Variants in C4BPB observed in about 807,000 individuals in gnomAD.
C4BPB encodes the protein C4b-binding protein beta chain.
C4BPB carries 19 observed loss-of-function variants against 26.6 expected under a neutral mutation model. The ratio of observed to expected loss-of-function variants is 0.71; its 90% CI spans 0.50 to 1.05. The LOEUF is 1.05. Among genes scored for constraint, C4BPB ranks in the 50% least tolerant of loss-of-function variants. C4BPB has a pLI of 0.00. For missense variants in C4BPB, 282 were observed against 302.9 expected, an observed-to-expected ratio of 0.93 and a Z score of 0.51; for synonymous variants, 118 against 103.5, an observed-to-expected ratio of 1.14 and a Z score of -0.85.
chr1:207,091,860 G>T lies in C4BPB; in HGVS notation c.409+40G>T, dbSNP rs185996085. ...AACCATCAAGGATCCCCAAAATACT[G>T]ATTAGTAGTCTAAACTTAGACATTT... On this transcript the variant is annotated intron_variant, in intron 4 of 6. Coordinates refer to ENST00000367078, the MANE Select transcript of C4BPB (RefSeq NM_001017365.3). The T allele has an allele frequency of 1.0e-3, 1,526 of 1,521,544 alleles. 6 individuals are homozygous for T. The highest frequency in any genetic ancestry group is 4.6e-3 in the Middle Eastern group (26 of 5,684). The allele number at this position is 1,521,544 out of a possible 1,614,324, so 94.3% of individuals were successfully genotyped here. A position where few individuals can be genotyped will look rare whatever the true frequency, so the allele number is the denominator to read the frequency against.
chr1:207,099,879 A>C lies in C4BPB; in HGVS notation c.709A>C (p.Lys237Gln). The change falls in exon 7 of 7, where the codon AAA (lysine) becomes CAA (glutamine). Residue 237 changes from lysine (K) to glutamine (Q), a missense_variant. Coordinates refer to ENST00000367078, the MANE Select transcript of C4BPB (RefSeq NM_001017365.3). ...AAGTGGCATGACAATGGAGGAGCTA[A>C]AATATTCTCTGGAGCTGAAGAAAGC... is the stretch of plus-strand genomic sequence containing the variant. Reference protein sequence around the residue: ...KESGMTMEELKYSLELKKAEL... With the variant: ...KESGMTMEELQYSLELKKAEL... 6.2e-7 allele frequency: 1 copy of C among 1,614,014 alleles called. No homozygotes were observed. The highest frequency in any genetic ancestry group is 1.3e-5 in the African/African-American group (1 of 75,062).
At chr1:207,097,832 TAG>T (rs1363077180) in intron 5 of C4BPB, 1 of 200,294 alleles carries the variant, frequency 5.0e-6, no homozygotes, top group Non-Finnish European at 1.0e-5. Context: ...GATGCCTTTT[TAG>T]GTTATTGAAT....
At chr1:207,093,202 T>C (rs891020274) in intron 4 of C4BPB, among the ~76,000 whole-genome samples, 18 of 152,202 alleles carry the variant, frequency 1.2e-4, no homozygotes, top group African/African-American at 4.3e-4. Flanking sequence ...AAGACATGCA[T>C]GATCCTGGAT....
Position 207,099,786 on chromosome 1 carries a change from C to A in C4BPB, c.619-3C>A. 1.2e-6 allele frequency: 2 copies of A among 1,607,618 alleles called. No homozygotes were observed. The highest frequency in any genetic ancestry group is 2.2e-5 in the South Asian group (2 of 89,676). ...TAACTTGTGAAAAATTTTCTTTCTT[C>A]AGCTTGCCTTTCAGGAGAGTAAGAA... On this transcript the variant is annotated splice_polypyrimidine_tract_variant and splice_region_variant and intron_variant, in intron 6 of 6. Coordinates refer to ENST00000367078, the MANE Select transcript of C4BPB (RefSeq NM_001017365.3).
At chr1:207,089,756 T>C (rs1222697277) in intron 2 of C4BPB, among the ~76,000 whole-genome samples, 167 bp downstream of exon 2, 2 of 152,160 alleles carry the variant, frequency 1.3e-5, no homozygotes, top group Non-Finnish European at 2.9e-5. Context: ...AGGAGCTTAG[T>C]GTACATTTAA....
intron 6 of C4BPB, among the ~76,000 whole-genome samples, chr1:207,098,853 G>A (rs1239659863): frequency 2.0e-5 from 3 of 151,948 alleles, no homozygotes; most frequent in African/African-American, 4.8e-5. Flanking sequence ...AGATCATCAG[G>A]CATTAGATTC....
intron 4 of C4BPB, among the ~76,000 whole-genome samples, chr1:207,092,660 C>T (rs1321473841): frequency 7.2e-6 from 1 of 139,412 alleles, no homozygotes; most frequent in African/African-American, 2.8e-5. Context: ...TGGAGTCTTA[C>T]TCTATTGCCC....
Position 207,099,786 on chromosome 1 carries a change from C to T in C4BPB, c.619-3C>T. 6.2e-7 allele frequency: 1 copy of T among 1,607,618 alleles called. No individual in the cohort carries two copies. The highest frequency in any genetic ancestry group is 8.5e-7 in the Non-Finnish European group (1 of 1,178,018). On this transcript the variant is annotated splice_polypyrimidine_tract_variant and splice_region_variant and intron_variant, in intron 6 of 6. Coordinates refer to ENST00000367078, the MANE Select transcript of C4BPB (RefSeq NM_001017365.3). ...TAACTTGTGAAAAATTTTCTTTCTTCAGCTTGCCTTTCAGGAGAGTAAGAA... is the reference window on the plus strand; with the variant it reads ...TAACTTGTGAAAAATTTTCTTTCTTTAGCTTGCCTTTCAGGAGAGTAAGAA...
At chr1:207,096,777 C>T (rs1464155048) in intron 5 of C4BPB, among the ~76,000 whole-genome samples, 162 bp downstream of exon 5, 1 of 152,186 alleles carries the variant, frequency 6.6e-6, no homozygotes, top group African/African-American at 2.4e-5. Flanking sequence ...GCTAGCTCTC[C>T]TCAATCCCTA....
chr1:207,095,197 G>C, intron 4 of C4BPB: 1 of 427,606 alleles, frequency 2.3e-6, no homozygotes, highest in Non-Finnish European at 4.7e-6. Flanking sequence ...AGGAAGCCAA[G>C]AGGAGCAAAA....
At chr1:207,089,634 C>T in intron 2 of C4BPB, 45 bp downstream of exon 2, 3 of 1,548,074 alleles carry the variant, frequency 1.9e-6, no homozygotes, top group Non-Finnish European at 2.7e-6. Flanking sequence ...ATTTGGTGTC[C>T]TTTTGCGGTG....
In C4BPB at chr1:207,090,388, TA is replaced by T; in HGVS notation, c.140del (p.Tyr47SerfsTer10). ...GGTGGAAGGACAGATTCTGGGGACTTACGTTTGTATCAAGGGCTACCACCTG... is the reference window on the plus strand; with the variant it reads ...GGTGGAAGGACAGATTCTGGGGACTTCGTTTGTATCAAGGGCTACCACCTG... ...KEVEGQILGT[Y>X]VCIKGYHLVG... On this transcript the variant is annotated frameshift_variant, in exon 3 of 7. Coordinates refer to ENST00000367078, the MANE Select transcript of C4BPB (RefSeq NM_001017365.3). LOFTEE classifies it high-confidence loss of function. 6.2e-7 allele frequency: 1 copy of T among 1,614,052 alleles called. No individual in the cohort carries two copies.
At chr1:207,097,677 C>T (rs953197646) in intron 5 of C4BPB, 3 of 154,822 alleles carry the variant, frequency 1.9e-5, no homozygotes, top group Admixed American at 1.3e-4. Context: ...ACTGGCATTT[C>T]GATCTCGTTA....
chr1:207,099,359 C>G (rs893407797), intron 6 of C4BPB, among the ~76,000 whole-genome samples: 1 of 152,234 alleles, frequency 6.6e-6, no homozygotes, highest in African/African-American at 2.4e-5. Flanking sequence ...ACAGCTGAAG[C>G]TTTGCTTGCC....
chr1:207,098,280 A>C lies in C4BPB; in HGVS notation c.618+16A>C. On this transcript the variant is annotated intron_variant, in intron 6 of 6. Transcript: ENST00000367078. The stretch of plus-strand genomic sequence containing the variant: ...GAAGGCACTTGTAAGTAGGAGGCTC[A>C]TATCTGTCTTGTTCACAGCTGGATC... 1.7e-4 allele frequency: 241 copies of C among 1,453,530 alleles called. No individual in the cohort carries two copies. The highest frequency in any genetic ancestry group is 2.2e-4 in the Non-Finnish European group (231 of 1,033,616). 90.0% of individuals were successfully genotyped at this position (1,453,530 alleles called of 1,614,324 possible).
chr1:207,093,788 T>C (rs1684136986), intron 4 of C4BPB, among the ~76,000 whole-genome samples: 2 of 152,096 alleles, frequency 1.3e-5, no homozygotes, highest in Admixed American at 1.3e-4. Flanking sequence ...AAAGAAAAAC[T>C]TCTACATACT....
chr1:207,096,453 A>C (rs967034178), intron 4 of C4BPB, 69 bp from the exon 5 acceptor site: 23 of 910,302 alleles, frequency 2.5e-5, no homozygotes, highest in Non-Finnish European at 3.7e-5. Flanking sequence ...AAACAGCTGC[A>C]ATTAGGGGTG....
At chr1:207,090,788 G>T (rs557325681) in intron 3 of C4BPB, among the ~76,000 whole-genome samples, 1 of 152,160 alleles carries the variant, frequency 6.6e-6, no homozygotes, top group Admixed American at 6.5e-5. Context: ...CTTTAAAAAT[G>T]TTTATGTTAT....
chr1:207,090,961 T>C (rs1234328663), intron 3 of C4BPB, among the ~76,000 whole-genome samples: 1 of 152,230 alleles, frequency 6.6e-6, no homozygotes, highest in African/African-American at 2.4e-5. Flanking sequence ...ACCTATCATA[T>C]AACTTTTGAA....
Sources: gnomAD v4.1 joint callset for allele counts (sites outside exome capture counted in the v4.1 genomes callset) on GRCh38, gnomAD v4.1.1 for gene constraint, MANE v1.5 for transcripts, NCBI Gene and HGNC (gene_info 2026-07-23, HGNC 2026-07-21) for gene names.